Variants in PRDM9 observed in about 807,000 individuals in gnomAD.
PRDM9 encodes the protein PR/SET domain 9, also known as histone-lysine N-methyltransferase PRDM9.
PRDM9 carries 47 observed loss-of-function variants against 55.6 expected under a neutral mutation model. The observed-to-expected ratio is 0.85, with a 90% CI of 0.67 to 1.08. The LOEUF is 1.08. Ranked by LOEUF, PRDM9 falls within the 50% of genes least tolerant of loss-of-function variation. The pLI, the probability that PRDM9 is intolerant of heterozygous loss-of-function variation, is 0.00. For missense variants in PRDM9, 867 were observed against 1,040.3 expected, an observed-to-expected ratio of 0.83 and a Z score of 2.29; for synonymous variants, 312 against 375.7, an observed-to-expected ratio of 0.83 and a Z score of 1.96.
At chr5:23,515,925 G>A (rs1251531423) in intron 4 of PRDM9, among the ~76,000 whole-genome samples, 2 of 152,142 alleles carry the variant, frequency 1.3e-5, no homozygotes, top group African/African-American at 4.8e-5. Context: ...TTTGTAATAT[G>A]CTTTGAAATC....
At position 23,527,298 on chromosome 5, in the gene PRDM9, G is replaced by A. The variant is rs749874453; in HGVS notation, c.2210G>A (p.Arg737Lys). ...TTTAGCAATAAGTCACACCTCCTCA[G>A]ACACCAGAGGACACACACAGGGGAG... ...RGFSNKSHLLRHQRTHTGEKP... is the reference protein window; with the variant it reads ...RGFSNKSHLLKHQRTHTGEKP... Residue 737 changes from arginine (R) to lysine (K), a missense_variant, in exon 11 of 11, where the codon AGA (arginine) becomes AAA (lysine). Transcript: ENST00000296682. The A allele has an allele frequency of 1.3e-6, 2 of 1,505,638 alleles. No homozygotes were observed. The highest frequency in any genetic ancestry group is 2.4e-5 in the South Asian group (2 of 85,034). The allele number at this position is 1,505,638 out of a possible 1,614,324, so 93.3% of individuals were successfully genotyped here.
At chr5:23,513,981 A>G (rs935642367) in intron 4 of PRDM9, among the ~76,000 whole-genome samples, 1 of 152,176 alleles carries the variant, frequency 6.6e-6, no homozygotes, top group African/African-American at 2.4e-5. Context: ...CCTACCAACA[A>G]TAAGCAAGTG....
rs866467513 is a variant in PRDM9, at chr5:23,526,744, C to G, written c.1656C>G (p.Tyr552Ter). ...GGACACATACAGGGGAGAAGCTCTA[C>G]GTCTGCAGGGAGTGTGGGCGGGGCT... ...HQRTHTGEKLYVCRECGRGFS... is the reference protein window; with the variant it reads ...HQRTHTGEKL The change falls in exon 11 of 11, where the codon TAC becomes TAG. Residue 552 changes from tyrosine (Y) to a stop codon, truncating the protein, a stop_gained. Transcript: ENST00000296682. LOFTEE classifies it low-confidence loss of function (END_TRUNC). 6.3e-7 allele frequency: 1 copy of G among 1,598,242 alleles called. No individual in the cohort carries two copies.
At chr5:23,510,049 ATTTTTTTTT>A (rs34033521) in intron 4 of PRDM9, 22 bp downstream of exon 4, 3 of 1,252,154 alleles carry the variant, frequency 2.4e-6, no homozygotes, top group Non-Finnish European at 3.2e-6. Flanking sequence ...GGGAAGTAGG[ATTTTTTTTT>A]TTTTTTTTTT....
In PRDM9 at chr5:23,526,825, C is replaced by G. The variant is rs1405603913; in HGVS notation, c.1737C>G (p.Pro579=). 6 of 1,588,970 alleles carry G rather than the reference C, an allele frequency of 3.8e-6. No individual in the cohort carries two copies. Among genetic ancestry groups the G allele is most frequent in the Non-Finnish European group, 5.1e-6 (6 of 1,169,134 alleles). Residue 579 remains proline, a synonymous_variant, in exon 11 of 11, where the codon CCC becomes CCG. Transcript: ENST00000296682. The part of the protein sequence containing the change: ...IHQRIHTGEK[P]YVCRECGRGF... ...AGAGGATACACACAGGGGAGAAGCC[C>G]TATGTCTGCAGGGAGTGTGGGCGGG...
In PRDM9 at chr5:23,522,292, T is replaced by G; in HGVS notation, c.509-12T>G. On this transcript the variant is annotated splice_polypyrimidine_tract_variant and intron_variant, in intron 6 of 10. Coordinates refer to ENST00000296682, the MANE Select transcript of PRDM9 (RefSeq NM_020227.4). ...ATTCCCAATTTTACCCGTCTACTCT[T>G]CTCCAACCTAGAACTCAGGAAGAAG... 6.2e-7 allele frequency: 1 copy of G among 1,602,212 alleles called. No homozygotes were observed.
intron 5 of PRDM9, 34 bp from the exon 6 acceptor site, chr5:23,520,989 T>G (rs779309364): frequency 1.2e-6 from 2 of 1,610,774 alleles, no homozygotes; most frequent in Non-Finnish European, 8.5e-7. Context: ...AAGAAATTCG[T>G]GTTGTCTTTT....
intron 7 of PRDM9, 23 bp downstream of exon 7, chr5:23,522,428 C>T (rs1739345587): frequency 6.2e-7 from 1 of 1,600,370 alleles, no homozygotes; most frequent in Non-Finnish European, 8.6e-7. Context: ...TTTGGCCACT[C>T]ACACAGCTTG....
At position 23,527,944 on chromosome 5, in the gene PRDM9, A is replaced by G; in HGVS notation, c.*171A>G. ...CTGATTAAACAAATCCGCCACTTTCATGACTAGAGATGAGGAAGAACAAGG... is the reference window on the plus strand; with the variant it reads ...CTGATTAAACAAATCCGCCACTTTCGTGACTAGAGATGAGGAAGAACAAGG... On this transcript the variant is annotated 3_prime_UTR_variant, in exon 11 of 11. Transcript: ENST00000296682. 2 of 852,342 alleles carry G rather than the reference A, an allele frequency of 2.3e-6. No individual in the cohort carries two copies. The highest frequency in any genetic ancestry group is 2.6e-5 in the East Asian group (1 of 37,742). The allele number at this position is 852,342 out of a possible 1,614,324, so 52.8% of individuals were successfully genotyped here. A position where few individuals can be genotyped will look rare whatever the true frequency, so the allele number is the denominator to read the frequency against.
At position 23,523,274 on chromosome 5, in the gene PRDM9, G is replaced by A. The variant is rs761658961; in HGVS notation, c.883-17G>A. Reference sequence around the variant, plus strand: ...TTACCCTCTAAAAAGCCTTTGCCTTGTTTTTCTGAAACTCAGATCACCAAG... The same window carrying A: ...TTACCCTCTAAAAAGCCTTTGCCTTATTTTTCTGAAACTCAGATCACCAAG... On this transcript the variant is annotated splice_polypyrimidine_tract_variant and intron_variant, in intron 8 of 10. Coordinates refer to ENST00000296682, the MANE Select transcript of PRDM9 (RefSeq NM_020227.4). 1.9e-6 allele frequency: 3 copies of A among 1,611,588 alleles called. No homozygotes were observed. Among genetic ancestry groups the A allele is most frequent in the South Asian group, 2.2e-5 (2 of 91,020 alleles).
intron 10 of PRDM9, among the ~76,000 whole-genome samples, chr5:23,525,710 T>C (rs1181963695): frequency 6.6e-6 from 1 of 152,168 alleles, no homozygotes; most frequent in Non-Finnish European, 1.5e-5. Flanking sequence ...TTTAACCACA[T>C]TTGTGGATCT....
At chr5:23,515,644 T>C (rs529624757) in intron 4 of PRDM9, among the ~76,000 whole-genome samples, 11 of 152,362 alleles carry the variant, frequency 7.2e-5, no homozygotes, top group South Asian at 2.1e-4. Context: ...TCTGTACTTA[T>C]AGGTTTTACA....
At chr5:23,517,772 G>T in intron 4 of PRDM9, 109 bp from the exon 5 acceptor site, 1 of 1,112,314 alleles carries the variant, frequency 9.0e-7, no homozygotes, top group South Asian at 1.3e-5. Flanking sequence ...GGGCGACAGA[G>T]GGAGACTCCG....
intron 4 of PRDM9, among the ~76,000 whole-genome samples, chr5:23,515,973 A>T (rs1440380199): frequency 6.6e-6 from 1 of 152,182 alleles, no homozygotes; most frequent in Non-Finnish European, 1.5e-5. Flanking sequence ...CTTCTTTTTC[A>T]AGATTGGTTC....
At chr5:23,522,150 G>T (rs1377388628) in intron 6 of PRDM9, among the ~76,000 whole-genome samples, 154 bp from the exon 7 acceptor site, 1 of 152,168 alleles carries the variant, frequency 6.6e-6, no homozygotes, top group East Asian at 1.9e-4. Context: ...TGGGTGTGGG[G>T]TCTAAGTCTC....
intron 4 of PRDM9, among the ~76,000 whole-genome samples, chr5:23,511,343 T>TG (rs1478666866): frequency 6.6e-6 from 1 of 151,912 alleles, no homozygotes; most frequent in Non-Finnish European, 1.5e-5. Context: ...GTTTGTTGTT[T>TG]TTGTTTTTGT....
In PRDM9 at chr5:23,516,433, C is replaced by T. The variant is rs190701350; in HGVS notation, c.302-1448C>T. The stretch of plus-strand genomic sequence containing the variant: ...TGTTGCCCAGGCTGGAGTGCAGTGG[C>T]GTGATATCGGCTCACTGCAAGCTCC... On this transcript the variant is annotated intron_variant, in intron 4 of 10. Transcript: ENST00000296682. Among the ~76,000 whole-genome samples the T allele has an allele frequency of 9.2e-5, 14 of 151,958 alleles. No homozygotes were observed. In the East Asian group the frequency reaches 2.5e-3, roughly 27 times the overall value.
At position 23,508,507 on chromosome 5, in the gene PRDM9, T is replaced by C. The variant is rs1448165506; in HGVS notation, c.-84-443T>C. On this transcript the variant is annotated intron_variant, in intron 1 of 10. Transcript: ENST00000296682. ...TTACTCCTGGATTTTTCTAGAATCC[T>C]CAGGTAGAGGTCCCCAAATCCTGTC... Among the ~76,000 whole-genome samples, 11 of 152,262 alleles carry C rather than the reference T, an allele frequency of 7.2e-5. 1 individual carries two copies. The highest frequency in any genetic ancestry group is 2.4e-4 in the African/African-American group (10 of 41,546).
chr5:23,510,670 G>GAT (rs879894107), intron 4 of PRDM9, among the ~76,000 whole-genome samples: 71 of 149,306 alleles, frequency 4.8e-4, no homozygotes, highest in African/African-American at 1.6e-3. Flanking sequence ...TGATGATGAT[G>GAT]GTGATTGTTA....
Sources: allele counts gnomAD v4.1 joint callset (sites outside exome capture counted in the v4.1 genomes callset), GRCh38; gene constraint gnomAD v4.1.1; transcripts MANE v1.5; gene names NCBI Gene and HGNC (gene_info 2026-07-23, HGNC 2026-07-21).